Variants in RANBP2 observed in about 807,000 individuals in gnomAD.
RANBP2 encodes E3 SUMO-protein ligase RanBP2.
Under a neutral mutation model 303.6 loss-of-function variants are expected in RANBP2, and 57 were observed. The observed-to-expected ratio is 0.19, with a 90% CI of 0.15 to 0.23. RANBP2 has a LOEUF of 0.23. Among genes scored for constraint, RANBP2 ranks in the 10% least tolerant of loss-of-function variants. The probability of loss-of-function intolerance (pLI) is 1.00; values close to 1 mark genes in which losing one functional copy is unlikely to be tolerated. For missense variants in RANBP2, 3,138 were observed against 3,780.8 expected (o/e 0.83, Z 4.46); for synonymous variants, 1,167 against 1,301.5 (o/e 0.90, Z 2.23).
chr2:109,086,554 A>C, the RANBP2 span, among the ~76,000 whole-genome samples: 1 of 152,190 alleles, frequency 6.6e-6, no homozygotes, highest in African/African-American at 2.4e-5. Context: ...AGCCAAGACC[A>C]GTCTTGGGTG....
the RANBP2 span, among the ~76,000 whole-genome samples, chr2:109,739,818 T>A: frequency 6.6e-6 from 1 of 151,534 alleles, no homozygotes. Context: ...TAAAAGGCTT[T>A]TAGTTTTTCC....
chr2:109,199,607 T>TCAACCCGAGTGCAG, the RANBP2 span, among the ~76,000 whole-genome samples: 1 of 276 alleles, frequency 3.6e-3, no homozygotes. Context: ...TGGAATGGAA[T>TCAACCCGAGTGCAG]GGAATGGAAT....
Position 108,764,824 on chromosome 2 carries a change from G to C in RANBP2, c.4285G>C (p.Glu1429Gln). ...WDCSICLVRN[E>Q]PTVSRCIACQ... ...TTGTAGTATTTGTTTAGTAAGAAAT[G>C]AACCTACTGTATCTAGGTGCATTGC... The change falls in exon 20 of 29, where the codon GAA (glutamate) becomes CAA (glutamine). Residue 1429 changes from glutamate (E) to glutamine (Q), a missense_variant. Glu to Gln is a conservative substitution (Grantham distance 29). This residue lies in a region of RANBP2 where 388 missense variants were observed against 328.5 expected (regional missense o/e 1.18). Coordinates refer to ENST00000283195, the MANE Select transcript of RANBP2 (RefSeq NM_006267.5). 1.5e-5 allele frequency: 25 copies of C among 1,614,028 alleles called. No individual in the cohort carries two copies. The highest frequency in any genetic ancestry group is 2.0e-5 in the Non-Finnish European group (24 of 1,179,960).
At chr2:109,416,904 CAAAAAAA>C in the RANBP2 span, among the ~76,000 whole-genome samples, 3 of 64,356 alleles carry the variant, frequency 4.7e-5, no homozygotes, top group East Asian at 4.5e-4. Flanking sequence ...GACTTCATCT[CAAAAAAA>C]AAAAAAAAAA....
At chr2:108,833,969 A>G in the RANBP2 span, among the ~76,000 whole-genome samples, 1 of 127,490 alleles carries the variant, frequency 7.8e-6, no homozygotes, top group East Asian at 2.3e-4. Context: ...GATGGTCTCT[A>G]TCTCCTGATC....
chr2:109,649,464 C>T, the RANBP2 span, among the ~76,000 whole-genome samples: 1 of 151,912 alleles, frequency 6.6e-6, no homozygotes, highest in Non-Finnish European at 1.5e-5. Context: ...GTGGCGTGAT[C>T]TCGGGTCACT....
the RANBP2 span, among the ~76,000 whole-genome samples, chr2:109,215,971 T>C: frequency 6.6e-6 from 1 of 152,260 alleles, no homozygotes; most frequent in Non-Finnish European, 1.5e-5. Flanking sequence ...CCATGTCCCA[T>C]GGCTTGTTAA....
At chr2:109,615,285 C>G in the RANBP2 span, 15 of 1,592,602 alleles carry the variant, frequency 9.4e-6, no homozygotes, top group African/African-American at 1.3e-5. Flanking sequence ...GACGCTGGAC[C>G]CCCTGGAGCA....
At chr2:109,629,202 A>AT in the RANBP2 span, among the ~76,000 whole-genome samples, 1 of 106,274 alleles carries the variant, frequency 9.4e-6, no homozygotes, top group Non-Finnish European at 1.8e-5. Flanking sequence ...ACTCCGTCTC[A>AT]AAAATAAATA....
chr2:109,385,846 C>T, the RANBP2 span, among the ~76,000 whole-genome samples: 6 of 152,240 alleles, frequency 3.9e-5, no homozygotes, highest in South Asian at 2.1e-4. Context: ...CAAATTTACA[C>T]GTCCATAAAG....
At chr2:109,147,471 C>T in the RANBP2 span, among the ~76,000 whole-genome samples, 1 of 152,116 alleles carries the variant, frequency 6.6e-6, no homozygotes, top group Non-Finnish European at 1.5e-5. Context: ...TATAATTTTC[C>T]ATCTACCACT....
chr2:109,328,328 C>T, the RANBP2 span, among the ~76,000 whole-genome samples: 2 of 152,218 alleles, frequency 1.3e-5, no homozygotes, highest in Non-Finnish European at 2.9e-5. Context: ...CTACTCTTTT[C>T]CACCTATTTC....
At chr2:109,378,167 G>T in the RANBP2 span, among the ~76,000 whole-genome samples, 1 of 152,200 alleles carries the variant, frequency 6.6e-6, no homozygotes, top group African/African-American at 2.4e-5. Context: ...TCTCTCCTCC[G>T]CAGCACCTCC....
At chr2:109,115,948 G>A in the RANBP2 span, among the ~76,000 whole-genome samples, 1 of 152,188 alleles carries the variant, frequency 6.6e-6, no homozygotes, top group Non-Finnish European at 1.5e-5. Context: ...TAAGAATGTT[G>A]AATATTGGCC....
chr2:109,028,608 G>A, the RANBP2 span, among the ~76,000 whole-genome samples: 1 of 152,150 alleles, frequency 6.6e-6, no homozygotes, highest in Admixed American at 6.5e-5. Flanking sequence ...CTAAGCATCC[G>A]ATCCCAACAG....
At chr2:109,210,819 A>C in the RANBP2 span, among the ~76,000 whole-genome samples, 1 of 152,206 alleles carries the variant, frequency 6.6e-6, no homozygotes, top group Admixed American at 6.5e-5. Context: ...GTCACTACAA[A>C]ATGTAGCTTT....
the RANBP2 span, among the ~76,000 whole-genome samples, chr2:109,109,321 C>A: frequency 6.6e-6 from 1 of 152,236 alleles, no homozygotes; most frequent in Non-Finnish European, 1.5e-5. Flanking sequence ...ATGATTCGGG[C>A]CTTTGTCACT....
At chr2:109,172,553 T>C in the RANBP2 span, among the ~76,000 whole-genome samples, 1 of 152,248 alleles carries the variant, frequency 6.6e-6, no homozygotes, top group Non-Finnish European at 1.5e-5. Context: ...CTAGCTCTTG[T>C]TATTCCAAAC....
At chr2:109,374,113 C>T in the RANBP2 span, among the ~76,000 whole-genome samples, 1 of 152,184 alleles carries the variant, frequency 6.6e-6, no homozygotes, top group Admixed American at 6.5e-5. Flanking sequence ...CACCTGCCCC[C>T]ACACCCCCTC....
Sources: allele counts gnomAD v4.1 joint callset (sites outside exome capture counted in the v4.1 genomes callset), GRCh38; gene constraint gnomAD v4.1.1; regional missense constraint gnomAD v4.1.1; transcripts MANE v1.5; gene names NCBI Gene and HGNC (gene_info 2026-07-23, HGNC 2026-07-21).